Variants in FGF1 observed in about 807,000 individuals in gnomAD.
The protein encoded by FGF1 is beta-endothelial cell growth factor.
In FGF1, 9 loss-of-function variants were observed where a neutral mutation model predicts 13.4. That is an observed-to-expected ratio of 0.67 (90% CI 0.40 to 1.17). The LOEUF (loss-of-function observed/expected upper bound fraction) is 1.17. FGF1 is among the 50% of genes most tolerant of loss of function. The pLI, the probability that FGF1 is intolerant of heterozygous loss-of-function variation, is 0.01. For missense variants in FGF1, 156 were observed against 192.7 expected (o/e 0.81, Z 1.13); for synonymous variants, 93 against 79.0 (o/e 1.18, Z -0.94).
At chr5:142,612,518 C>T (rs1176938771) in intron 2 of FGF1, among the ~76,000 whole-genome samples, 1 of 152,128 alleles carries the variant, frequency 6.6e-6, no homozygotes, top group Non-Finnish European at 1.5e-5. Flanking sequence ...TGGGGCAGAT[C>T]ACGTGAGTTG....
intron 2 of FGF1, among the ~76,000 whole-genome samples, chr5:142,606,758 G>C (rs1757786919): frequency 6.6e-6 from 1 of 152,178 alleles, no homozygotes; most frequent in Non-Finnish European, 1.5e-5. Context: ...AACTAAGACT[G>C]GGAGAGGAAT....
At chr5:142,666,181 G>GAT (rs1561709276) in intron 1 of FGF1, among the ~76,000 whole-genome samples, 1 of 148,648 alleles carries the variant, frequency 6.7e-6, no homozygotes, top group African/African-American at 2.5e-5. Flanking sequence ...TTATATTAGG[G>GAT]TGAAATCTGT....
At chr5:142,621,924 C>T (rs1761707850) in intron 1 of FGF1, among the ~76,000 whole-genome samples, 1 of 152,216 alleles carries the variant, frequency 6.6e-6, no homozygotes, top group Non-Finnish European at 1.5e-5. Flanking sequence ...CTCTCAATTC[C>T]TCATGAAAGC....
chr5:142,606,669 C>T (rs13360655), intron 2 of FGF1, among the ~76,000 whole-genome samples: 12,269 of 152,176 alleles, frequency 0.081, 849 homozygotes, highest in East Asian at 0.18. Flanking sequence ...CTCATGAATA[C>T]ATCTATAGTA....
intron 1 of FGF1, among the ~76,000 whole-genome samples, chr5:142,633,932 CCACGTA>C (rs1334322842): frequency 1.3e-5 from 2 of 152,026 alleles, no homozygotes; most frequent in Non-Finnish European, 2.9e-5. Flanking sequence ...CGCCTGTAAT[CCACGTA>C]CTTTGGGAGG....
intron 1 of FGF1, among the ~76,000 whole-genome samples, chr5:142,673,432 G>C (rs1455908722): frequency 6.6e-6 from 1 of 152,198 alleles, no homozygotes; most frequent in Non-Finnish European, 1.5e-5. Context: ...GTTGGACAAA[G>C]ATCTTCCTTG....
chr5:142,657,552 G>A (rs1312203462), intron 1 of FGF1, among the ~76,000 whole-genome samples: 1 of 152,260 alleles, frequency 6.6e-6, no homozygotes, highest in Admixed American at 6.5e-5. Context: ...GTGGTCAGCT[G>A]TGAATGTTGT....
intron 2 of FGF1, among the ~76,000 whole-genome samples, chr5:142,611,099 C>A (rs977603841): frequency 3.9e-5 from 6 of 152,210 alleles, no homozygotes; most frequent in Non-Finnish European, 7.3e-5. Context: ...TATGCTCAAA[C>A]TAGTGATCAA....
intron 1 of FGF1, among the ~76,000 whole-genome samples, chr5:142,670,403 G>C (rs1425298404): frequency 6.6e-6 from 1 of 152,012 alleles, no homozygotes. Context: ...ATCCTTCAAG[G>C]CCTATGTCAA....
At chr5:142,679,844 G>A (rs916934020) in intron 1 of FGF1, 1 of 152,238 alleles carries the variant, frequency 6.6e-6, no homozygotes, top group Non-Finnish European at 1.5e-5. Flanking sequence ...TTTCTACGGG[G>A]TTAGTCTGTT....
chr5:142,675,633 C>T (rs185974885), intron 1 of FGF1, among the ~76,000 whole-genome samples: 11 of 152,312 alleles, frequency 7.2e-5, no homozygotes, highest in African/African-American at 2.4e-4. Flanking sequence ...CACCACCGTC[C>T]GTCCGCTGAG....
intron 2 of FGF1, among the ~76,000 whole-genome samples, chr5:142,611,058 A>T (rs1467293847): frequency 6.6e-6 from 1 of 152,234 alleles, no homozygotes; most frequent in Non-Finnish European, 1.5e-5. Context: ...AGGAAGTCTT[A>T]ACGTGTGACT....
At chr5:142,630,359 C>A (rs1199414599) in intron 1 of FGF1, among the ~76,000 whole-genome samples, 1 of 152,080 alleles carries the variant, frequency 6.6e-6, no homozygotes, top group African/African-American at 2.4e-5. Context: ...TATTACCAAC[C>A]CCACTGTCCA....
upstream of FGF1, among the ~76,000 whole-genome samples, chr5:142,687,276 G>A (rs1171670861): frequency 6.6e-6 from 1 of 152,132 alleles, no homozygotes; most frequent in African/African-American, 2.4e-5. Context: ...TAGAGAGGAT[G>A]GAGTTGCAGT....
At chr5:142,619,534 A>G (rs1289275885) in intron 1 of FGF1, among the ~76,000 whole-genome samples, 3 of 152,234 alleles carry the variant, frequency 2.0e-5, no homozygotes, top group Admixed American at 1.3e-4. Flanking sequence ...TGTTAAAGGT[A>G]ACTACTAAAA....
chr5:142,664,485 C>T (rs913783784), intron 1 of FGF1, among the ~76,000 whole-genome samples: 6 of 152,316 alleles, frequency 3.9e-5, no homozygotes, highest in Admixed American at 6.5e-5. Context: ...CATGGTATGG[C>T]GCTTGTAATA....
At position 142,676,774 on chromosome 5, in the gene FGF1, T is replaced by C. The variant is rs111991744; in HGVS notation, c.-35+9183A>G. 1.9e-4 allele frequency among the ~76,000 whole-genome samples: 29 copies of C among 152,338 alleles called. 1 individual carries two copies. The highest frequency in any genetic ancestry group is 6.5e-4 in the African/African-American group (27 of 41,584). On this transcript the variant is annotated intron_variant, in intron 1 of 3. Coordinates refer to ENST00000337706, the MANE Select transcript of FGF1 (RefSeq NM_000800.5). ...ACATCCCAGGACCAGCCTGGGAGAATGGCAGTGAGCTTTGTGTGGCCAACT... is the reference window on the plus strand; with the variant it reads ...ACATCCCAGGACCAGCCTGGGAGAACGGCAGTGAGCTTTGTGTGGCCAACT...
chr5:142,608,461 A>G (rs1758181270), intron 2 of FGF1, among the ~76,000 whole-genome samples: 1 of 150,482 alleles, frequency 6.6e-6, no homozygotes, highest in African/African-American at 2.4e-5. Context: ...GAAGGGGAAA[A>G]ATCGAATTTG....
intron 1 of FGF1, among the ~76,000 whole-genome samples, chr5:142,642,587 A>T (rs1765374014): frequency 6.6e-6 from 1 of 152,220 alleles, no homozygotes; most frequent in African/African-American, 2.4e-5. Context: ...AAGGACAAGA[A>T]TGGGTGGCAT....
Sources: allele counts gnomAD v4.1 joint callset (sites outside exome capture counted in the v4.1 genomes callset), GRCh38; gene constraint gnomAD v4.1.1; transcripts MANE v1.5; gene names NCBI Gene and HGNC (gene_info 2026-07-23, HGNC 2026-07-21).